PPP1R2: variants seen among roughly 807,000 people sequenced by gnomAD.
The protein encoded by PPP1R2 is protein phosphatase inhibitor 2.
In PPP1R2, 16 loss-of-function variants were observed where a neutral mutation model predicts 29.9. The observed-to-expected ratio is 0.53, with a 90% CI of 0.36 to 0.81. PPP1R2 has a LOEUF of 0.81. Among genes scored for constraint, PPP1R2 ranks in the 30% least tolerant of loss-of-function variants. The pLI, the probability that PPP1R2 is intolerant of heterozygous loss-of-function variation, is 0.00. For missense variants in PPP1R2, 197 were observed against 252.7 expected, an observed-to-expected ratio of 0.78 and a Z score of 1.49; for synonymous variants, 76 against 91.5, an observed-to-expected ratio of 0.83 and a Z score of 0.96.
intron 1 of PPP1R2, among the ~76,000 whole-genome samples, chr3:195,536,167 GT>G (rs763084396): frequency 1.3e-5 from 2 of 152,066 alleles, no homozygotes; most frequent in Non-Finnish European, 1.5e-5. Context: ...CAGTAGTTAA[GT>G]TTTGGGGGGC....
At chr3:195,542,499 T>C (rs1719632674) in intron 1 of PPP1R2, among the ~76,000 whole-genome samples, 1 of 152,146 alleles carries the variant, frequency 6.6e-6, no homozygotes, top group African/African-American at 2.4e-5. Context: ...GATCGCCTAT[T>C]AGCTTGAGAC....
rs569720640 is a variant in PPP1R2, at chr3:195,524,949, C to A, written c.231-53G>T. The A allele has an allele frequency of 1.1e-5, 17 of 1,488,022 alleles. No homozygotes were observed. The African/African-American group carries it at 2.1e-4, about 18-fold the overall frequency. 92.2% of individuals were successfully genotyped at this position (1,488,022 alleles called of 1,614,324 possible). On this transcript the variant is annotated intron_variant, in intron 2 of 5. Transcript: ENST00000618156. ...TACCTGAAACATACATTTTCAGCCA[C>A]AAAAACAAGGGAGAAAAACAATTCC...
intron 1 of PPP1R2, among the ~76,000 whole-genome samples, chr3:195,531,584 C>T (rs893347201): frequency 6.6e-6 from 1 of 152,154 alleles, no homozygotes; most frequent in Non-Finnish European, 1.5e-5. Flanking sequence ...CCACAGTGTC[C>T]CCATTTCGGA....
intron 1 of PPP1R2, among the ~76,000 whole-genome samples, chr3:195,531,079 T>C (rs1233583822): frequency 6.6e-6 from 1 of 152,226 alleles, no homozygotes; most frequent in Non-Finnish European, 1.5e-5. Flanking sequence ...TGCCTGGGCC[T>C]CCCAAACTGC....
chr3:195,537,404 T>C (rs1719431305), intron 1 of PPP1R2, among the ~76,000 whole-genome samples: 1 of 151,684 alleles, frequency 6.6e-6, no homozygotes, highest in African/African-American at 2.4e-5. Context: ...CATGTTGCCA[T>C]ACAGATTTTT....
intron 4 of PPP1R2, among the ~76,000 whole-genome samples, chr3:195,522,363 G>A (rs576725695): frequency 2.6e-5 from 4 of 152,192 alleles, no homozygotes; most frequent in East Asian, 3.9e-4. Flanking sequence ...TTTCAGCCAC[G>A]TAACATCTAT....
intron 1 of PPP1R2, among the ~76,000 whole-genome samples, chr3:195,540,025 A>T (rs1161632478): frequency 6.6e-6 from 1 of 152,202 alleles, no homozygotes; most frequent in Admixed American, 6.5e-5. Flanking sequence ...TAGGAGTCAA[A>T]CTATCATCGC....
chr3:195,538,132 G>A (rs1029755183), intron 1 of PPP1R2, among the ~76,000 whole-genome samples: 2 of 152,230 alleles, frequency 1.3e-5, no homozygotes, highest in Non-Finnish European at 2.9e-5. Context: ...GATGGTGAAA[G>A]CACCTGCTGG....
At chr3:195,524,297 G>A (rs1229724112) in intron 3 of PPP1R2, among the ~76,000 whole-genome samples, 5 of 152,122 alleles carry the variant, frequency 3.3e-5, no homozygotes, top group South Asian at 2.1e-4. Context: ...TGAAACCAGC[G>A]GATCTCTTGA....
intron 2 of PPP1R2, chr3:195,529,346 C>T (rs1719098914): frequency 6.6e-6 from 1 of 152,576 alleles, no homozygotes; most frequent in African/African-American, 2.4e-5. Context: ...ATCTGAACAA[C>T]AATATTACAT....
intron 1 of PPP1R2, among the ~76,000 whole-genome samples, chr3:195,533,499 AC>A (rs1271399932): frequency 6.6e-6 from 1 of 152,204 alleles, no homozygotes; most frequent in Non-Finnish European, 1.5e-5. Flanking sequence ...CTTGAGTAAC[AC>A]CATGGGAGTC....
At chr3:195,527,341 T>G (rs1264344992) in intron 2 of PPP1R2, among the ~76,000 whole-genome samples, 1 of 151,904 alleles carries the variant, frequency 6.6e-6, no homozygotes, top group Admixed American at 6.6e-5. Flanking sequence ...TCCCAGCTAC[T>G]TGGGAGGCTG....
In PPP1R2 at chr3:195,519,931, AAC is replaced by A. The variant is rs1327548198; in HGVS notation, c.404-748_404-747del. Among the ~76,000 whole-genome samples the A allele has an allele frequency of 3.7e-5, 5 of 136,796 alleles. No individual in the cohort carries two copies. In the East Asian group the frequency reaches 8.6e-4, roughly 23 times the overall value. 89.7% of individuals were successfully genotyped at this position (136,796 alleles called of 152,430 possible). A position where few individuals can be genotyped will look rare whatever the true frequency, so the allele number is the denominator to read the frequency against. On this transcript the variant is annotated intron_variant, in intron 4 of 5. Coordinates refer to ENST00000618156, the MANE Select transcript of PPP1R2 (RefSeq NM_006241.8). ...GATCAGAAAATTAAAAAAAAAAAAAAACAACAGAAAAGGGGGGGCCAATATAA... is the reference window on the plus strand; with the variant it reads ...GATCAGAAAATTAAAAAAAAAAAAAAAACAGAAAAGGGGGGGCCAATATAA...
At chr3:195,520,148 C>T (rs540696349) in intron 4 of PPP1R2, among the ~76,000 whole-genome samples, 1 of 151,968 alleles carries the variant, frequency 6.6e-6, no homozygotes, top group Non-Finnish European at 1.5e-5. Context: ...TAGTTGGGAT[C>T]ACAGGCATGT....
At chr3:195,518,053 C>A (rs1027954742) in intron 5 of PPP1R2, among the ~76,000 whole-genome samples, 8 of 152,098 alleles carry the variant, frequency 5.3e-5, no homozygotes, top group Non-Finnish European at 1.2e-4. Context: ...TACGCCTCCA[C>A]TGAAAAGTAT....
At chr3:195,534,818 T>C (rs1719315368) in intron 1 of PPP1R2, among the ~76,000 whole-genome samples, 1 of 152,222 alleles carries the variant, frequency 6.6e-6, no homozygotes, top group Admixed American at 6.5e-5. Flanking sequence ...GTCAGCCACC[T>C]GAGCAGCTAG....
rs1159973875 is a variant in PPP1R2 at position 195,524,876 on chromosome 3, T to C, written c.251A>G (p.Asp84Gly). 2 of 1,614,114 alleles carry C rather than the reference T, an allele frequency of 1.2e-6. No individual in the cohort carries two copies. The highest frequency in any genetic ancestry group is 3.3e-5 in the Admixed American group (2 of 60,018). Residue 84 changes from aspartate to glycine, a missense_variant, in exon 3 of 6, where the codon GAT becomes GGT. Asp to Gly is a moderately conservative substitution (Grantham distance 94). Around this residue, in one of 3 missense-constraint regions of PPP1R2, gnomAD observed 135 missense variants for 163.0 expected, o/e 0.83. Coordinates refer to ENST00000618156, the MANE Select transcript of PPP1R2 (RefSeq NM_006241.8). ...PYHSMMGDDE[D>G]ACSDTEATEA... is the part of the protein sequence containing the mutation. ...AGTGGCCTCGGTGTCACTACAGGCA[T>C]CTTCATCATCCCCCATCATACTAGT...
rs1380917246 is a variant in PPP1R2, at chr3:195,543,159, G to A, written c.-134C>T. 5 of 1,214,074 alleles carry A rather than the reference G, an allele frequency of 4.1e-6. No homozygotes were observed. The highest frequency in any genetic ancestry group is 5.5e-6 in the Non-Finnish European group (5 of 904,262). 75.2% of individuals were successfully genotyped at this position (1,214,074 alleles called of 1,614,324 possible). A position where few individuals can be genotyped will look rare whatever the true frequency, so the allele number is the denominator to read the frequency against. ...CTAAAGCGGCCGCAACTGCTGCCTCGGAAACGGCTACCGCAGCGGTTGTCA... is the reference window on the plus strand; with the variant it reads ...CTAAAGCGGCCGCAACTGCTGCCTCAGAAACGGCTACCGCAGCGGTTGTCA... On this transcript the variant is annotated 5_prime_UTR_variant, in exon 1 of 6. Transcript: ENST00000618156.
intron 4 of PPP1R2, among the ~76,000 whole-genome samples, chr3:195,521,699 G>A (rs1718769597): frequency 6.6e-6 from 1 of 152,092 alleles, no homozygotes; most frequent in Non-Finnish European, 1.5e-5. Context: ...CACCCAGCCT[G>A]GAGTGCAGTG....
Sources: allele counts gnomAD v4.1 joint callset (sites outside exome capture counted in the v4.1 genomes callset), GRCh38; gene constraint gnomAD v4.1.1; regional missense constraint gnomAD v4.1.1; transcripts MANE v1.5; gene names NCBI Gene and HGNC (gene_info 2026-07-23, HGNC 2026-07-21).